Variants in SNAP91 observed in about 807,000 individuals in gnomAD.
The protein encoded by SNAP91 is clathrin coat assembly protein AP180.
In SNAP91, 27 loss-of-function variants were observed where a neutral mutation model predicts 100.3. The observed-to-expected ratio is 0.27, with a 90% confidence interval of 0.20 to 0.37. The LOEUF (loss-of-function observed/expected upper bound fraction) is 0.37. Among genes scored for constraint, SNAP91 ranks in the 10% least tolerant of loss-of-function variants. The probability of loss-of-function intolerance (pLI) is 1.00; values close to 1 mark genes in which losing one functional copy is unlikely to be tolerated. For synonymous variants in SNAP91, 404 were observed against 398.6 expected, an observed-to-expected ratio of 1.01 and a Z score of -0.16; for missense variants, 986 against 1,123.7, an observed-to-expected ratio of 0.88 and a Z score of 1.75.
intron 8 of SNAP91, among the ~76,000 whole-genome samples, chr6:83,626,378 C>T (rs1321905093): frequency 6.6e-6 from 1 of 151,808 alleles, no homozygotes; most frequent in African/African-American, 2.4e-5. Context: ...AGAATAATTT[C>T]TTCTAGTTCT....
intron 26 of SNAP91, among the ~76,000 whole-genome samples, chr6:83,565,280 A>G (rs1795006412): frequency 6.6e-6 from 1 of 152,118 alleles, no homozygotes; most frequent in Admixed American, 6.6e-5. Flanking sequence ...TCATCACCAG[A>G]GATAACTTGA....
chr6:83,578,808 C>T (rs1823743172), intron 24 of SNAP91, among the ~76,000 whole-genome samples: 1 of 152,072 alleles, frequency 6.6e-6, no homozygotes, highest in Admixed American at 6.5e-5. Context: ...CAAACATAAC[C>T]TAATCTCAGG....
At chr6:83,624,791 A>G (rs1370770760) in intron 8 of SNAP91, among the ~76,000 whole-genome samples, 1 of 152,118 alleles carries the variant, frequency 6.6e-6, no homozygotes, top group African/African-American at 2.4e-5. Context: ...ACTGACGTAG[A>G]GCACTTGCCT....
At chr6:83,588,105 G>A (rs1247002452) in intron 22 of SNAP91, among the ~76,000 whole-genome samples, 1 of 152,134 alleles carries the variant, frequency 6.6e-6, no homozygotes. Context: ...GTGGGATTAT[G>A]ATTGTGGGAC....
At chr6:83,629,278 C>T (rs217340) in intron 8 of SNAP91, among the ~76,000 whole-genome samples, 117,070 of 152,120 alleles carry the variant, frequency 0.77, 45,519 homozygotes, top group African/African-American at 0.88. Flanking sequence ...TATAGTGTAG[C>T]TTGAAATCAG....
At chr6:83,627,457 T>G (rs903549313) in intron 8 of SNAP91, among the ~76,000 whole-genome samples, 1 of 152,082 alleles carries the variant, frequency 6.6e-6, no homozygotes, top group Non-Finnish European at 1.5e-5. Context: ...CTGATAGAAT[T>G]TAGCTGTGAA....
At chr6:83,642,587 C>T (rs1244490227) in intron 7 of SNAP91, among the ~76,000 whole-genome samples, 2 of 152,328 alleles carry the variant, frequency 1.3e-5, no homozygotes, top group Middle Eastern at 3.4e-3. Context: ...TCCAGTCTAT[C>T]ATTGTTGGAC....
intron 7 of SNAP91, among the ~76,000 whole-genome samples, chr6:83,648,650 G>A (rs1195885851): frequency 6.6e-6 from 1 of 152,116 alleles, no homozygotes; most frequent in Non-Finnish European, 1.5e-5. Flanking sequence ...TTTAATTTTA[G>A]TTGAGTCTAG....
chr6:83,582,140 C>T (rs1829357573), intron 23 of SNAP91, 82 bp downstream of exon 23: 6 of 1,409,846 alleles, frequency 4.3e-6, no homozygotes, highest in Middle Eastern at 1.9e-4. Flanking sequence ...TTGTAAATTT[C>T]CTGATAGCAT....
At chr6:83,617,849 A>G (rs184441878) in intron 9 of SNAP91, among the ~76,000 whole-genome samples, 1 of 151,988 alleles carries the variant, frequency 6.6e-6, no homozygotes, top group Non-Finnish European at 1.5e-5. Flanking sequence ...TCTTTCTCAA[A>G]TAGTTGTAAT....
Position 83,594,424 on chromosome 6 carries a change from G to A in SNAP91, c.1382C>T (p.Pro461Leu). ...TGCTGCTACAGGGGTTGGGGTAGCT[G>A]GTGCGGCGGCCCCTTCGGATGCTGC... ...APAASEGAAA[P>L]ATPTPVAAAL... Residue 461 changes from proline (P) to leucine (L), a missense_variant, in exon 17 of 30, where the codon CCA becomes CTA. Pro to Leu is a moderately conservative substitution (Grantham distance 98). Around this residue, in one of 4 missense-constraint regions of SNAP91, gnomAD observed 575 missense variants for 579.9 expected, o/e 0.99. Transcript: ENST00000369694. 1 of 1,552,894 alleles carries A rather than the reference G, an allele frequency of 6.4e-7. No homozygotes were observed. Among genetic ancestry groups the A allele is most frequent in the Non-Finnish European group, 8.7e-7 (1 of 1,147,574 alleles).
At chr6:83,589,121 A>G (rs926537710) in intron 22 of SNAP91, among the ~76,000 whole-genome samples, 1 of 152,262 alleles carries the variant, frequency 6.6e-6, no homozygotes, top group Non-Finnish European at 1.5e-5. Flanking sequence ...TCAAATAGCC[A>G]TTAAAACTAT....
chr6:83,686,522 A>C (rs1037322444), intron 2 of SNAP91, among the ~76,000 whole-genome samples: 2 of 152,222 alleles, frequency 1.3e-5, no homozygotes, highest in Non-Finnish European at 2.9e-5. Context: ...TTGGTGACTA[A>C]TTCAGCTAAT....
At chr6:83,567,153 G>A (rs1037325004) in intron 26 of SNAP91, among the ~76,000 whole-genome samples, 1 of 152,082 alleles carries the variant, frequency 6.6e-6, no homozygotes, top group South Asian at 2.1e-4. Flanking sequence ...GCCCAGGCTA[G>A]CCTCAAATTC....
At chr6:83,621,569 G>T (rs1269812697) in intron 9 of SNAP91, among the ~76,000 whole-genome samples, 1 of 152,050 alleles carries the variant, frequency 6.6e-6, no homozygotes, top group East Asian at 1.9e-4. Context: ...TTGAGGGGGA[G>T]ATTATAAATA....
intron 6 of SNAP91, among the ~76,000 whole-genome samples, chr6:83,657,930 C>CTTTTT (rs536763578): frequency 1.9e-5 from 2 of 106,124 alleles, no homozygotes; most frequent in African/African-American, 3.5e-5. Flanking sequence ...CCACACCTTG[C>CTTTTT]TTTTTTTTTT....
At position 83,601,445 on chromosome 6, in the gene SNAP91, T is replaced by C; in HGVS notation, c.1157-7A>G. 1 of 1,613,460 alleles carries C rather than the reference T, an allele frequency of 6.2e-7. No individual in the cohort carries two copies. The highest frequency in any genetic ancestry group is 1.1e-5 in the South Asian group (1 of 91,046). ...GAAAGTGCAGCCAAAGAATCTATAT[T>C]TCACCAGAGACAGAGAGCAAACGGA... On this transcript the variant is annotated splice_polypyrimidine_tract_variant and splice_region_variant and intron_variant, in intron 15 of 29. Coordinates refer to ENST00000369694, the MANE Select transcript of SNAP91 (RefSeq NM_001242792.2).
At chr6:83,697,089 G>C (rs1202823451) in intron 2 of SNAP91, among the ~76,000 whole-genome samples, 1 of 151,966 alleles carries the variant, frequency 6.6e-6, no homozygotes, top group Non-Finnish European at 1.5e-5. Context: ...TTTCCTTACT[G>C]CTTGTCGAAA....
At chr6:83,640,551 T>C (rs1467691738) in intron 8 of SNAP91, among the ~76,000 whole-genome samples, 1 of 152,180 alleles carries the variant, frequency 6.6e-6, no homozygotes, top group Non-Finnish European at 1.5e-5. Flanking sequence ...GAACACCAAC[T>C]GCATAGTTAC....
Sources: allele counts gnomAD v4.1 joint callset (sites outside exome capture counted in the v4.1 genomes callset), GRCh38; gene constraint gnomAD v4.1.1; regional missense constraint gnomAD v4.1.1; transcripts MANE v1.5; gene names NCBI Gene and HGNC (gene_info 2026-07-23, HGNC 2026-07-21).